Variants in IQSEC2 observed in about 807,000 individuals in gnomAD.
IQSEC2 encodes IQ motif and Sec7 domain ArfGEF 2.
A neutral mutation model predicts 74.6 loss-of-function variants in IQSEC2; 6 were observed. The ratio of observed to expected loss-of-function variants is 0.08; its 90% CI spans 0.04 to 0.16. The LOEUF is 0.16. Among genes scored for constraint, IQSEC2 ranks in the 10% least tolerant of loss-of-function variants. The pLI, the probability that IQSEC2 is intolerant of heterozygous loss-of-function variation, is 1.00. For missense variants in IQSEC2, 734 were observed against 1,306.2 expected (o/e 0.56, Z 6.75); for synonymous variants, 494 against 544.5 (o/e 0.91, Z 1.29).
At chrX:53,297,678 T>C (rs1241231669) in intron 1 of IQSEC2, among the ~76,000 whole-genome samples, 1 of 111,632 alleles carries the variant, frequency 9.0e-6, no homozygotes, top group African/African-American at 3.3e-5. Context: ...ATACAAATGA[T>C]CAATTCTCCC....
chrX:53,280,731 C>T (rs1469664630), intron 2 of IQSEC2, among the ~76,000 whole-genome samples: 6 of 111,662 alleles, frequency 5.4e-5, no homozygotes, highest in African/African-American at 1.6e-4. Context: ...CGGAGAATGG[C>T]CAAGGGGAGG....
At position 53,238,153 on chromosome X, in the gene IQSEC2, C is replaced by T. The variant is rs2074164267; in HGVS notation, c.3269G>A (p.Arg1090His). Residue 1090 changes from arginine (R) to histidine (H), a missense_variant, in exon 12 of 15, where the codon CGT becomes CAT. Transcript: ENST00000642864. ...IAEVQEMEKY[R>H]VESELEKQKG... ...ATGGCTGGGCTACTCACACTCCACA[C>T]GGTATTTCTCCATCTCCTGCACCTC... The T allele has an allele frequency of 2.5e-6, 3 of 1,201,686 alleles. No individual in the cohort carries two copies. The highest frequency in any genetic ancestry group is 2.2e-6 in the Non-Finnish European group (2 of 890,590).
intron 1 of IQSEC2, among the ~76,000 whole-genome samples, chrX:53,315,024 T>G (rs992986942): frequency 4.5e-5 from 5 of 111,996 alleles, no homozygotes; most frequent in Non-Finnish European, 7.5e-5. Flanking sequence ...CAGACAGTTC[T>G]GGGCTCCATC....
chrX:53,278,899 C>T (rs1039456193), intron 2 of IQSEC2, among the ~76,000 whole-genome samples: 9 of 112,219 alleles, frequency 8.0e-5, no homozygotes, highest in Admixed American at 1.9e-4. Flanking sequence ...GTTTTCCAGC[C>T]GGGTGTGGTG....
intron 2 of IQSEC2, among the ~76,000 whole-genome samples, chrX:53,284,561 C>T (rs941387056): frequency 9.0e-6 from 1 of 111,574 alleles, no homozygotes; most frequent in East Asian, 2.8e-4. Context: ...ATGTTGTGCC[C>T]TCTGGGAACC....
intron 2 of IQSEC2, among the ~76,000 whole-genome samples, chrX:53,264,445 AC>A (rs1369846109): frequency 2.4e-5 from 2 of 83,207 alleles, no homozygotes; most frequent in Non-Finnish European, 4.6e-5. Flanking sequence ...ATGTAGTTGA[AC>A]CCCCGTCCCC....
chrX:53,320,281 G>A, intron 1 of IQSEC2, 136 bp downstream of exon 1: 2 of 585,850 alleles, frequency 3.4e-6, no homozygotes, highest in Non-Finnish European at 5.4e-6. Flanking sequence ...TGGATGAGGG[G>A]GACCTGGCTT....
intron 2 of IQSEC2, among the ~76,000 whole-genome samples, chrX:53,280,631 G>A (rs1156513113): frequency 1.8e-5 from 2 of 110,389 alleles, no homozygotes; most frequent in Admixed American, 1.9e-4. Context: ...CCAAGGCGGG[G>A]CCCACACTCC....
chrX:53,273,619 T>C (rs1265772625), intron 2 of IQSEC2, among the ~76,000 whole-genome samples: 1 of 112,390 alleles, frequency 8.9e-6, no homozygotes, highest in Non-Finnish European at 1.9e-5. Flanking sequence ...TTTGAAATGA[T>C]GACAGGGTGT....
chrX:53,230,316 T>C (rs1363856148), downstream of IQSEC2: 2 of 112,814 alleles, frequency 1.8e-5, no homozygotes, highest in African/African-American at 6.4e-5. Flanking sequence ...CCCACCAGGC[T>C]CTGTCCACTC....
chrX:53,283,041 C>T (rs1283399139), intron 2 of IQSEC2, among the ~76,000 whole-genome samples: 1 of 111,262 alleles, frequency 9.0e-6, no homozygotes, highest in Non-Finnish European at 1.9e-5. Flanking sequence ...CATGGCAAAA[C>T]CCTGTCTTTA....
rs782664568 is a variant in IQSEC2, at chrX:53,300,025, T to G, written c.708-8101A>C. ...TCCTCCCACCTCAGCCTCCCAAAGTTGGGGGGGGAATTACAGTCATGAACC... is the reference window on the plus strand; with the variant it reads ...TCCTCCCACCTCAGCCTCCCAAAGTGGGGGGGGGAATTACAGTCATGAACC... On this transcript the variant is annotated intron_variant, in intron 1 of 14. Transcript: ENST00000642864. 2.3e-3 allele frequency among the ~76,000 whole-genome samples: 175 copies of G among 74,784 alleles called. 1 individual carries two copies. The highest frequency in any genetic ancestry group is 0.023 in the African/African-American group (168 of 7,234). 64.9% of individuals were successfully genotyped at this position (74,784 alleles called of 115,157 possible).
intron 2 of IQSEC2, among the ~76,000 whole-genome samples, chrX:53,263,632 A>C (rs1328872239): frequency 9.3e-6 from 1 of 107,974 alleles, no homozygotes; most frequent in African/African-American, 3.4e-5. Flanking sequence ...TCTCCCCTTC[A>C]CCCCCCGACT....
At chrX:53,271,299 G>A (rs1341982852) in intron 2 of IQSEC2, among the ~76,000 whole-genome samples, 1 of 112,270 alleles carries the variant, frequency 8.9e-6, no homozygotes, top group African/African-American at 3.2e-5. Context: ...AATCCGCAGG[G>A]AAATGAGTAT....
chrX:53,316,862 A>G (rs1166507524), intron 1 of IQSEC2, among the ~76,000 whole-genome samples: 1 of 110,155 alleles, frequency 9.1e-6, no homozygotes, highest in Admixed American at 9.7e-5. Flanking sequence ...AAGAAAAAAA[A>G]CACCACCAGG....
intron 2 of IQSEC2, among the ~76,000 whole-genome samples, chrX:53,277,792 T>C (rs2074859805): frequency 9.2e-6 from 1 of 108,937 alleles, no homozygotes; most frequent in South Asian, 3.9e-4. Context: ...TGCTTCAGCC[T>C]CCCTAGTAGC....
At chrX:53,310,408 C>CA (rs1449703388) in intron 1 of IQSEC2, among the ~76,000 whole-genome samples, 64,940 of 107,459 alleles carry the variant, frequency 0.6, 17,885 homozygotes, top group Non-Finnish European at 0.81. Context: ...AGCAAACAAA[C>CA]AAACAAAAAA....
intron 4 of IQSEC2, among the ~76,000 whole-genome samples, chrX:53,253,723 T>G (rs1219560146): frequency 9.0e-6 from 1 of 111,646 alleles, no homozygotes; most frequent in African/African-American, 3.3e-5. Context: ...GAGACAGTAA[T>G]GCACACATAT....
At chrX:53,282,690 G>A (rs1185824141) in intron 2 of IQSEC2, among the ~76,000 whole-genome samples, 2 of 112,143 alleles carry the variant, frequency 1.8e-5, no homozygotes, top group African/African-American at 6.5e-5. Context: ...CCACAAGGTT[G>A]GCATCTGTGG....
Sources: allele counts gnomAD v4.1 joint callset (sites outside exome capture counted in the v4.1 genomes callset), GRCh38; gene constraint gnomAD v4.1.1; transcripts MANE v1.5; gene names NCBI Gene and HGNC (gene_info 2026-07-23, HGNC 2026-07-21).